The following WWOX variants were observed in gnomAD, a reference collection of about 807,000 sequenced individuals.
WWOX encodes the protein WW domain-containing oxidoreductase.
In WWOX, 69 loss-of-function variants were observed where a neutral mutation model predicts 46.2. The observed-to-expected ratio is 1.49, with a 90% CI of 1.23 to 1.82. The LOEUF (loss-of-function observed/expected upper bound fraction) is 1.82. Ranked by LOEUF, WWOX falls within the 40% of genes most tolerant of loss-of-function variation. WWOX has a pLI of 0.00. For missense variants in WWOX, 919 were observed against 542.6 expected (o/e 1.69, Z -6.89); for synonymous variants, 359 against 202.6 (o/e 1.77, Z -6.56).
At chr16:78,315,031 C>A (rs1014825905) in intron 5 of WWOX, among the ~76,000 whole-genome samples, 4 of 152,206 alleles carry the variant, frequency 2.6e-5, no homozygotes, top group African/African-American at 9.6e-5. Flanking sequence ...TTCATTCTAG[C>A]CTTTCTGTCT....
At chr16:79,083,171 G>T (rs2048791845) in intron 8 of WWOX, among the ~76,000 whole-genome samples, 1 of 152,176 alleles carries the variant, frequency 6.6e-6, no homozygotes, top group Non-Finnish European at 1.5e-5. Context: ...TAACACTGCG[G>T]TTCCCCTACT....
At chr16:78,325,538 A>G (rs1334884409) in intron 5 of WWOX, among the ~76,000 whole-genome samples, 1 of 152,142 alleles carries the variant, frequency 6.6e-6, no homozygotes, top group Non-Finnish European at 1.5e-5. Flanking sequence ...GAGAGGTGCG[A>G]TTTCCCTCCA....
chr16:78,753,647 C>G (rs1327525996), intron 8 of WWOX, among the ~76,000 whole-genome samples: 3 of 150,704 alleles, frequency 2.0e-5, no homozygotes, highest in East Asian at 3.9e-4. Flanking sequence ...AAAACATAAA[C>G]AGAAATTAGC....
chr16:79,188,028 C>T (rs780730228), intron 8 of WWOX, among the ~76,000 whole-genome samples: 35 of 152,212 alleles, frequency 2.3e-4, no homozygotes, highest in Non-Finnish European at 4.0e-4. Flanking sequence ...AACACAAATT[C>T]CTTCTCCCAC....
At chr16:78,759,486 C>G (rs1262620043) in intron 8 of WWOX, among the ~76,000 whole-genome samples, 1 of 152,112 alleles carries the variant, frequency 6.6e-6, no homozygotes, top group African/African-American at 2.4e-5. Context: ...CCCTTGAAGC[C>G]TCTTGACATA....
intron 8 of WWOX, among the ~76,000 whole-genome samples, chr16:78,569,648 G>A (rs1189228308): frequency 1.3e-5 from 2 of 152,208 alleles, no homozygotes; most frequent in African/African-American, 4.8e-5. Flanking sequence ...CAGTTATAGA[G>A]TAGACATAAC....
rs200699154 is a variant in WWOX at position 78,432,735 on chromosome 16, C to A, written c.1039C>A (p.Pro347Thr). The stretch of plus-strand genomic sequence containing the variant: ...CACACTGCTGTTTACCTTGGCGAGG[C>A]CTTTCACCAAGTCCATGGTAAGAGA... ...VYTLLFTLAR[P>T]FTKSMQQGAA... The change falls in exon 8 of 9, where the codon CCT becomes ACT. Residue 347 changes from proline to threonine, a missense_variant. Pro to Thr is a conservative substitution (Grantham distance 38). Coordinates refer to ENST00000566780, the MANE Select transcript of WWOX (RefSeq NM_016373.4). 2.1e-5 allele frequency: 34 copies of A among 1,614,174 alleles called. No homozygotes were observed. In the African/African-American group the frequency reaches 3.7e-4, roughly 18 times the overall value.
chr16:78,767,692 C>T (rs2049957710), intron 8 of WWOX, among the ~76,000 whole-genome samples: 1 of 152,158 alleles, frequency 6.6e-6, no homozygotes, highest in African/African-American at 2.4e-5. Flanking sequence ...ACCAGCAGTG[C>T]ATCAGGATTC....
chr16:78,556,747 G>A (rs918385086), intron 8 of WWOX, among the ~76,000 whole-genome samples: 4 of 151,828 alleles, frequency 2.6e-5, no homozygotes, highest in Non-Finnish European at 4.4e-5. Flanking sequence ...ATGGACTTTC[G>A]CTTTTTTGCC....
rs150669534 is a variant in WWOX at position 78,214,023 on chromosome 16, C to T, written c.516+49734C>T. ...GGTGTAACCTGTGTTCCAGAGTCTG[C>T]GCCTCCCAGCCACTGGGGCAGGGGC... is the stretch of plus-strand genomic sequence containing the variant. On this transcript the variant is annotated intron_variant, in intron 5 of 8. Coordinates refer to ENST00000566780, the MANE Select transcript of WWOX (RefSeq NM_016373.4). Among the ~76,000 whole-genome samples the T allele has an allele frequency of 5.7e-3, 862 of 152,254 alleles. 8 individuals carry two copies. Among genetic ancestry groups the T allele is most frequent in the African/African-American group, 0.02 (819 of 41,544 alleles).
chr16:79,151,913 A>G (rs963685223), intron 8 of WWOX, among the ~76,000 whole-genome samples: 2 of 152,182 alleles, frequency 1.3e-5, no homozygotes, highest in Non-Finnish European at 2.9e-5. Flanking sequence ...TGTTTTAGCC[A>G]TGAAATATCA....
intron 8 of WWOX, among the ~76,000 whole-genome samples, chr16:79,125,020 G>C (rs1043518415): frequency 6.7e-6 from 1 of 150,292 alleles, no homozygotes; most frequent in Non-Finnish European, 1.5e-5. Context: ...ATCCATGCCT[G>C]TCTGACTCTG....
At chr16:78,869,113 A>G (rs1194730227) in intron 8 of WWOX, among the ~76,000 whole-genome samples, 2 of 152,218 alleles carry the variant, frequency 1.3e-5, no homozygotes, top group African/African-American at 4.8e-5. Flanking sequence ...TTAGTTTAGA[A>G]TGAAATTTTA....
At chr16:78,616,997 G>A (rs908593267) in intron 8 of WWOX, among the ~76,000 whole-genome samples, 3 of 152,184 alleles carry the variant, frequency 2.0e-5, no homozygotes, top group African/African-American at 7.2e-5. Flanking sequence ...GATCTGAGAA[G>A]ACACAAAACC....
At chr16:78,735,096 A>G (rs1434391892) in intron 8 of WWOX, among the ~76,000 whole-genome samples, 3 of 150,894 alleles carry the variant, frequency 2.0e-5, no homozygotes, top group African/African-American at 7.3e-5. Context: ...CGAACTCCTG[A>G]CCTCAGATGA....
At chr16:78,672,986 C>T (rs983988085) in intron 8 of WWOX, among the ~76,000 whole-genome samples, 7 of 152,198 alleles carry the variant, frequency 4.6e-5, no homozygotes, top group African/African-American at 1.4e-4. Context: ...CGGCCACCGC[C>T]GCCGTGTGTC....
Position 78,616,966 on chromosome 16 carries a change from C to T in WWOX, c.1056+184214C>T, listed in dbSNP as rs529302102. Among the ~76,000 whole-genome samples, 296 of 152,304 alleles carry T rather than the reference C, an allele frequency of 1.9e-3. 3 individuals carry two copies. In the Middle Eastern group the frequency reaches 0.027, roughly 14 times the overall value. On this transcript the variant is annotated intron_variant, in intron 8 of 8. Coordinates refer to ENST00000566780, the MANE Select transcript of WWOX (RefSeq NM_016373.4). ...ATGTTCCTTTTGCTTTAACAAGAGA[C>T]ACATGTCAGATAGTAGACATGATCT...
At chr16:78,190,642 G>A (rs933723288) in intron 5 of WWOX, among the ~76,000 whole-genome samples, 3 of 152,106 alleles carry the variant, frequency 2.0e-5, no homozygotes, top group Admixed American at 1.3e-4. Flanking sequence ...TCCTTTCAGG[G>A]TCTGACTGTA....
intron 8 of WWOX, among the ~76,000 whole-genome samples, chr16:78,714,255 G>A (rs979143434): frequency 2.6e-5 from 4 of 152,068 alleles, no homozygotes; most frequent in Non-Finnish European, 4.4e-5. Flanking sequence ...GAAGTTTAAC[G>A]GACTCATAGT....
Sources: allele counts gnomAD v4.1 joint callset (sites outside exome capture counted in the v4.1 genomes callset), GRCh38; gene constraint gnomAD v4.1.1; transcripts MANE v1.5; gene names NCBI Gene and HGNC (gene_info 2026-07-23, HGNC 2026-07-21).